Variants in PCDH11X observed in about 807,000 individuals in gnomAD.
The protein encoded by PCDH11X is protocadherin 11 X-linked.
PCDH11X carries 18 observed loss-of-function variants against 53.3 expected under a neutral mutation model. That is an observed-to-expected ratio of 0.34 (90% confidence interval 0.23 to 0.50). The LOEUF is 0.50. PCDH11X is among the 20% of genes least tolerant of loss of function. The pLI is 0.98. For synonymous variants in PCDH11X, 279 were observed against 393.3 expected (o/e 0.71, Z 3.44); for missense variants, 570 against 1,032.4 (o/e 0.55, Z 6.14).
chrX:92,160,978 A>T (rs1421691887), intron 6 of PCDH11X, among the ~76,000 whole-genome samples: 1 of 111,138 alleles, frequency 9.0e-6, no homozygotes, highest in Non-Finnish European at 1.9e-5. Context: ...TCTTCTGTTG[A>T]GACATGTCTA....
chrX:92,460,803 C>T (rs2073023254), intron 9 of PCDH11X: 1 of 1,144,211 alleles, frequency 8.7e-7, no homozygotes, highest in Non-Finnish European at 1.2e-6. Context: ...CACCTACCGC[C>T]GCCTGCTGGA....
At chrX:92,035,771 ACTCTTATATGTGC>A (rs1202832423) in intron 6 of PCDH11X, among the ~76,000 whole-genome samples, 2 of 9,035 alleles carry the variant, frequency 2.2e-4, no homozygotes, top group Non-Finnish European at 3.8e-4. Context: ...AAGGCCAATA[ACTCTTATATGTGC>A]CCTTTCGAGG....
intron 8 of PCDH11X, among the ~76,000 whole-genome samples, chrX:92,312,787 C>T (rs34366437): frequency 2.7e-5 from 3 of 111,190 alleles, no homozygotes; most frequent in South Asian, 3.7e-4. Flanking sequence ...ATTTTATTTT[C>T]GATCATTTTC....
chrX:92,361,462 T>C (rs756626485), intron 8 of PCDH11X, among the ~76,000 whole-genome samples: 1 of 111,714 alleles, frequency 9.0e-6, no homozygotes, highest in African/African-American at 3.2e-5. Flanking sequence ...TTCTTGCAAC[T>C]AAGAATTATC....
At chrX:92,448,722 A>C (rs1235313680) in intron 9 of PCDH11X, among the ~76,000 whole-genome samples, 2 of 108,514 alleles carry the variant, frequency 1.8e-5, no homozygotes, top group Non-Finnish European at 3.8e-5. Context: ...TGTGTGGTGG[A>C]GAAAGGGTAC....
intron 9 of PCDH11X, among the ~76,000 whole-genome samples, chrX:92,419,240 A>T (rs1603306247): frequency 1.1e-5 from 1 of 94,532 alleles, no homozygotes; most frequent in Admixed American, 1.1e-4. Flanking sequence ...TCCATCTTTT[A>T]GCTTTTTTGT....
intron 6 of PCDH11X, among the ~76,000 whole-genome samples, chrX:92,088,202 T>C (rs2148114468): frequency 9.1e-6 from 1 of 110,192 alleles, no homozygotes; most frequent in African/African-American, 3.3e-5. Context: ...TTTACAGTGA[T>C]AGGATCTTTA....
chrX:92,462,631 C>A (rs371909860), intron 9 of PCDH11X, among the ~76,000 whole-genome samples: 8 of 110,046 alleles, frequency 7.3e-5, no homozygotes, highest in African/African-American at 2.7e-4. Context: ...AATTTCTCAT[C>A]GTCATTAAAA....
chrX:91,839,308 GAA>G (rs989848942), intron 5 of PCDH11X, among the ~76,000 whole-genome samples: 2 of 109,024 alleles, frequency 1.8e-5, no homozygotes, highest in African/African-American at 6.7e-5. Context: ...GATACAAAAC[GAA>G]AAGAGTGAAA....
chrX:91,968,748 C>T (rs1421251853), intron 6 of PCDH11X, among the ~76,000 whole-genome samples: 1 of 111,242 alleles, frequency 9.0e-6, no homozygotes, highest in Non-Finnish European at 1.9e-5. Flanking sequence ...TCTAATTCAC[C>T]ATGCCACATT....
intron 8 of PCDH11X, among the ~76,000 whole-genome samples, chrX:92,265,206 A>G (rs1173845733): frequency 9.1e-6 from 1 of 109,789 alleles, no homozygotes; most frequent in African/African-American, 3.3e-5. Context: ...AAGTGCTGGG[A>G]TTATGTGTGT....
chrX:92,544,289 T>A (rs2148741204), intron 10 of PCDH11X, among the ~76,000 whole-genome samples: 1 of 111,927 alleles, frequency 8.9e-6, no homozygotes, highest in East Asian at 2.8e-4. Context: ...TTTTCTTAGG[T>A]GCATAAGTTA....
At chrX:92,219,708 A>T (rs1481153948) in intron 7 of PCDH11X, among the ~76,000 whole-genome samples, 1 of 94,454 alleles carries the variant, frequency 1.1e-5, no homozygotes, top group Non-Finnish European at 2.1e-5. Flanking sequence ...TTTAAAGTTC[A>T]TATGGAACCA....
In PCDH11X at chrX:92,285,531, G is replaced by T. The variant is rs750605471; in HGVS notation, c.3144+22388G>T. On this transcript the variant is annotated intron_variant, in intron 8 of 10. Transcript: ENST00000682573. ...GCCTCCCAAAGTGCTGGGATTACAG[G>T]TGTGAGCCACTGCACTCAGCCTGTA... Among the ~76,000 whole-genome samples the T allele has an allele frequency of 7.2e-5, 8 of 111,256 alleles. No individual in the cohort carries two copies. In the South Asian group the frequency reaches 3.0e-3, roughly 42 times the overall value.
At chrX:92,158,387 G>T (rs1275397788) in intron 6 of PCDH11X, among the ~76,000 whole-genome samples, 2 of 109,595 alleles carry the variant, frequency 1.8e-5, no homozygotes, top group East Asian at 5.8e-4. Context: ...GTGCATGCCT[G>T]TAATCACAGC....
chrX:92,104,338 G>A (rs762694163), intron 6 of PCDH11X, among the ~76,000 whole-genome samples: 3 of 110,357 alleles, frequency 2.7e-5, no homozygotes, highest in Non-Finnish European at 5.7e-5. Context: ...AAGACTCAGC[G>A]ACACTTGGGG....
chrX:92,306,670 C>T (rs35410859), intron 8 of PCDH11X, among the ~76,000 whole-genome samples: 19 of 109,555 alleles, frequency 1.7e-4, no homozygotes, highest in Admixed American at 1.7e-3. Flanking sequence ...GACCAGGCGC[C>T]GTGGTTCACA....
intron 10 of PCDH11X, among the ~76,000 whole-genome samples, chrX:92,556,967 C>T (rs1381774416): frequency 3.7e-5 from 4 of 107,709 alleles, no homozygotes; most frequent in Admixed American, 2.0e-4. Context: ...GTATAATTCA[C>T]CAAGGCTTGG....
chrX:92,525,294 G>C (rs1313072918), intron 10 of PCDH11X, among the ~76,000 whole-genome samples: 2 of 111,053 alleles, frequency 1.8e-5, no homozygotes, highest in Non-Finnish European at 3.8e-5. Flanking sequence ...CAATGTTTTT[G>C]CAAAAGTGAT....
Sources: gnomAD v4.1 joint callset for allele counts (sites outside exome capture counted in the v4.1 genomes callset) on GRCh38, gnomAD v4.1.1 for gene constraint, MANE v1.5 for transcripts, NCBI Gene and HGNC (gene_info 2026-07-23, HGNC 2026-07-21) for gene names.